The following CHLSN variants were observed in gnomAD, a reference collection of about 807,000 sequenced individuals.
The protein encoded by CHLSN is protein cholesin.
At chr7:1,059,546 CTT>C in the CHLSN span, among the ~76,000 whole-genome samples, 2 of 129,198 alleles carry the variant, frequency 1.5e-5, no homozygotes, top group Admixed American at 8.0e-5. Flanking sequence ...TGAGGTGGGT[CTT>C]AGTGGGGCGG....
the CHLSN span, chr7:1,044,638 C>T: frequency 7.2e-5 from 11 of 151,880 alleles, no homozygotes; most frequent in Admixed American, 7.2e-4. Flanking sequence ...GCGACTGCGC[C>T]GGCCGCCGCC....
chr7:1,119,125 A>G, the CHLSN span, among the ~76,000 whole-genome samples: 1 of 152,134 alleles, frequency 6.6e-6, no homozygotes, highest in East Asian at 1.9e-4. Flanking sequence ...GGTGGCACAC[A>G]CCTGTTAATA....
At chr7:1,071,659 C>T in the CHLSN span, among the ~76,000 whole-genome samples, 1 of 152,166 alleles carries the variant, frequency 6.6e-6, no homozygotes, top group African/African-American at 2.4e-5. Context: ...CGCAAAGGCA[C>T]CGGGTGGGAG....
chr7:1,006,563 A>G, the CHLSN span, among the ~76,000 whole-genome samples: 2 of 150,090 alleles, frequency 1.3e-5, no homozygotes, highest in East Asian at 3.9e-4. Flanking sequence ...GCAGGGAAAG[A>G]GCGCACGACG....
chr7:1,049,973 G>C, the CHLSN span, among the ~76,000 whole-genome samples: 1 of 152,134 alleles, frequency 6.6e-6, no homozygotes, highest in Non-Finnish European at 1.5e-5. Context: ...AACAAGGAGA[G>C]CTGCCCCACA....
chr7:995,819 G>A, the CHLSN span, among the ~76,000 whole-genome samples: 4 of 152,380 alleles, frequency 2.6e-5, no homozygotes, highest in African/African-American at 9.6e-5. Flanking sequence ...GGCCAGTGGG[G>A]TGCACACAGC....
chr7:1,052,306 G>A, the CHLSN span, among the ~76,000 whole-genome samples: 5 of 152,356 alleles, frequency 3.3e-5, no homozygotes, highest in South Asian at 2.1e-4. The surrounding 1 kb of genome is among the most constrained non-coding windows in gnomAD (Gnocchi z 4.2). Context: ...GGGGACACTC[G>A]CCTGAGAAGA....
the CHLSN span, among the ~76,000 whole-genome samples, chr7:1,031,433 G>GC: frequency 1.9e-5 from 1 of 52,724 alleles, no homozygotes; most frequent in Non-Finnish European, 3.9e-5. Flanking sequence ...TGGTCCGGGG[G>GC]GGCAGAGACC....
At chr7:979,346 T>C in the CHLSN span, among the ~76,000 whole-genome samples, 1 of 152,042 alleles carries the variant, frequency 6.6e-6, no homozygotes, top group African/African-American at 2.4e-5. Context: ...TCGTCAAAGT[T>C]TCGGTGCAAG....
the CHLSN span, among the ~76,000 whole-genome samples, chr7:1,080,655 G>A: frequency 6.6e-6 from 1 of 152,234 alleles, no homozygotes; most frequent in Non-Finnish European, 1.5e-5. Context: ...GTATTTTACT[G>A]CACACAAATT....
chr7:1,019,358 T>C, the CHLSN span, among the ~76,000 whole-genome samples: 3 of 152,066 alleles, frequency 2.0e-5, no homozygotes, highest in African/African-American at 4.8e-5. Context: ...TCAATGGTTC[T>C]ATAGGGAAAA....
At chr7:1,005,046 G>A in the CHLSN span, among the ~76,000 whole-genome samples, 3 of 152,202 alleles carry the variant, frequency 2.0e-5, no homozygotes, top group Non-Finnish European at 4.4e-5. Context: ...TGTAAGCTGA[G>A]CACTTTGGGA....
At chr7:1,102,816 G>A in the CHLSN span, among the ~76,000 whole-genome samples, 2 of 152,342 alleles carry the variant, frequency 1.3e-5, no homozygotes, top group East Asian at 1.9e-4. Flanking sequence ...AAGCAAGCAC[G>A]GCGTCAGCAA....
the CHLSN span, among the ~76,000 whole-genome samples, chr7:1,124,671 A>G: frequency 2.0e-5 from 3 of 151,388 alleles, no homozygotes; most frequent in African/African-American, 7.3e-5. Flanking sequence ...TATGTAACTA[A>G]CCTGCACAAT....
At chr7:1,064,458 C>T in the CHLSN span, among the ~76,000 whole-genome samples, 2 of 151,734 alleles carry the variant, frequency 1.3e-5, no homozygotes, top group Non-Finnish European at 2.9e-5. Context: ...GAAGGAACAG[C>T]GGTGGGGAGC....
At chr7:1,095,739 G>A in the CHLSN span, among the ~76,000 whole-genome samples, 4 of 152,346 alleles carry the variant, frequency 2.6e-5, no homozygotes, top group African/African-American at 9.6e-5. Flanking sequence ...AGCCTTAAAT[G>A]GTGGGTGACA....
At chr7:1,041,076 A>G in the CHLSN span, among the ~76,000 whole-genome samples, 3 of 152,350 alleles carry the variant, frequency 2.0e-5, no homozygotes, top group East Asian at 1.9e-4. Context: ...AGAACATGGA[A>G]AAGGTCCAGG....
the CHLSN span, chr7:986,325 C>G: frequency 2.2e-6 from 1 of 450,218 alleles, no homozygotes; most frequent in East Asian, 4.6e-5. Context: ...CCATGACTCA[C>G]AGGAGGTTCA....
chr7:1,110,167 C>T, the CHLSN span, among the ~76,000 whole-genome samples: 3 of 152,084 alleles, frequency 2.0e-5, no homozygotes, highest in African/African-American at 4.8e-5. Flanking sequence ...AGAGCTCTGG[C>T]GGCACCAGCG....
Sources: allele counts gnomAD v4.1 joint callset (sites outside exome capture counted in the v4.1 genomes callset), GRCh38; gene constraint gnomAD v4.1.1; non-coding constraint Gnocchi (gnomAD v3.1); transcripts MANE v1.5; gene names NCBI Gene and HGNC (gene_info 2026-07-23, HGNC 2026-07-21).